The following PTK6 variants were observed in gnomAD, a reference collection of about 807,000 sequenced individuals.
The protein encoded by PTK6 is protein tyrosine kinase 6.
A neutral mutation model predicts 47.5 loss-of-function variants in PTK6; 47 were observed. The observed-to-expected ratio is 0.99, with a 90% CI of 0.78 to 1.26. The LOEUF (loss-of-function observed/expected upper bound fraction) is 1.26. Ranked by LOEUF, PTK6 falls within the 50% of genes most tolerant of loss-of-function variation. PTK6 has a pLI of 0.00. For synonymous variants in PTK6, 287 were observed against 276.5 expected (o/e 1.04, Z -0.38); for missense variants, 618 against 625.3 (o/e 0.99, Z 0.12).
chr20:63,533,841 A>G lies in PTK6; in HGVS notation c.517-137T>C. 3 of 1,273,986 alleles carry G rather than the reference A, an allele frequency of 2.4e-6. No homozygotes were observed. The highest frequency in any genetic ancestry group is 3.2e-6 in the Non-Finnish European group (3 of 943,218). The allele number at this position is 1,273,986 out of a possible 1,614,324, so 78.9% of individuals were successfully genotyped here. On this transcript the variant is annotated intron_variant, in intron 3 of 7. Coordinates refer to ENST00000542869, the MANE Select transcript of PTK6 (RefSeq NM_005975.4). This position sits in a 1 kb window ranked among gnomAD's most constrained non-coding sequence, Gnocchi z 4.0. Reference sequence around the variant, plus strand: ...TGGGTTGGGGGTTTCTGAGTGTCTGACACAAGGGTGGACTCTCCTGGGGGC... The same window carrying G: ...TGGGTTGGGGGTTTCTGAGTGTCTGGCACAAGGGTGGACTCTCCTGGGGGC...
chr20:63,534,350 A>G, intron 2 of PTK6, 35 bp from the exon 3 acceptor site: 1 of 1,552,940 alleles, frequency 6.4e-7, no homozygotes, highest in Non-Finnish European at 8.7e-7. Context: ...TGGCCACCCC[A>G]ACTCCGACGC....
intron 1 of PTK6, among the ~76,000 whole-genome samples, chr20:63,536,337 T>C (rs1464288330): frequency 6.9e-6 from 1 of 145,710 alleles, no homozygotes; most frequent in Non-Finnish European, 1.5e-5. Context: ...GCTAACGAGG[T>C]CGTGGGTCTG....
Position 63,529,490 on chromosome 20 carries a change from C to A in PTK6, c.*46G>T. 1 of 1,496,946 alleles carries A rather than the reference C, an allele frequency of 6.7e-7. No individual in the cohort carries two copies. Among genetic ancestry groups the A allele is most frequent in the African/African-American group, 1.4e-5 (1 of 71,124 alleles). 92.7% of individuals were successfully genotyped at this position (1,496,946 alleles called of 1,614,324 possible). The stretch of plus-strand genomic sequence containing the variant: ...TGATCCCAGGTCCAGGCCCTCTGCC[C>A]AGGCCCCTCCTCAGCAGGGCCCGGC... On this transcript the variant is annotated 3_prime_UTR_variant, in exon 8 of 8. Coordinates refer to ENST00000542869, the MANE Select transcript of PTK6 (RefSeq NM_005975.4). The surrounding 1 kb of genome is among the most constrained non-coding windows in gnomAD (Gnocchi z 5.6).
chr20:63,536,693 T>G (rs2049494875), intron 1 of PTK6, among the ~76,000 whole-genome samples: 1 of 152,114 alleles, frequency 6.6e-6, no homozygotes, highest in Admixed American at 6.5e-5. Context: ...GCTTCAAGCT[T>G]CGTTTCCCCC....
chr20:63,535,788 G>A (rs1268457018), intron 1 of PTK6, among the ~76,000 whole-genome samples: 6 of 8,888 alleles, frequency 6.8e-4, no homozygotes, highest in African/African-American at 7.6e-4. Context: ...CTGGCCTCCC[G>A]CCCCCTCCTC....
chr20:63,532,849 G>A (rs926874957), intron 4 of PTK6, among the ~76,000 whole-genome samples, 162 bp from the exon 5 acceptor site: 10 of 152,226 alleles, frequency 6.6e-5, no homozygotes, highest in East Asian at 1.9e-4. Context: ...CCGAGGCCAC[G>A]AAATGGCAGA....
intron 5 of PTK6, among the ~76,000 whole-genome samples, 171 bp downstream of exon 5, chr20:63,532,355 C>G (rs6011875): frequency 0.13 from 18,976 of 143,182 alleles, 3,795 homozygotes; most frequent in African/African-American, 0.45. Flanking sequence ...GCATGTGTGT[C>G]TGTGCGTGTG....
rs1307523639 is a variant in PTK6, at chr20:63,529,240, G to A, written c.*296C>T. On this transcript the variant is annotated 3_prime_UTR_variant, in exon 8 of 8. Coordinates refer to ENST00000542869, the MANE Select transcript of PTK6 (RefSeq NM_005975.4). This position sits in a 1 kb window ranked among gnomAD's most constrained non-coding sequence, Gnocchi z 5.6. ...GGCACTGCAGACAGACAGCCAGAGA[G>A]CGGGCTGTGGTCAGAGTCCCCTCTG... is the stretch of plus-strand genomic sequence containing the variant. The A allele has an allele frequency of 7.3e-6, 2 of 274,706 alleles. No homozygotes were observed. The highest frequency in any genetic ancestry group is 1.4e-5 in the Non-Finnish European group (2 of 146,296). 17.0% of individuals were successfully genotyped at this position (274,706 alleles called of 1,614,324 possible). A position where few individuals can be genotyped will look rare whatever the true frequency, so the allele number is the denominator to read the frequency against.
Position 63,532,551 on chromosome 20 carries a change from C to T in PTK6, c.807G>A (p.Lys269=). Residue 269 remains lysine (K), a synonymous_variant, in exon 5 of 8, where the codon AAG becomes AAA. Coordinates refer to ENST00000542869, the MANE Select transcript of PTK6 (RefSeq NM_005975.4). ...PVYIITELMA[K]GSLLELLRDS... Reference sequence around the variant, plus strand: ...CGCGGAGCAGCTCCAGCAGGCTGCCCTTGGCCATGAGCTCCGTGATGATGT... The same window carrying T: ...CGCGGAGCAGCTCCAGCAGGCTGCCTTTGGCCATGAGCTCCGTGATGATGT... The T allele has an allele frequency of 6.2e-7, 1 of 1,612,942 alleles. No homozygotes were observed. Among genetic ancestry groups the T allele is most frequent in the Non-Finnish European group, 8.5e-7 (1 of 1,179,208 alleles).
In PTK6 at chr20:63,534,987, G is replaced by T; in HGVS notation, c.303C>A (p.Ala101=). The T allele has an allele frequency of 6.2e-7, 1 of 1,608,274 alleles. No homozygotes were observed. The highest frequency in any genetic ancestry group is 8.5e-7 in the Non-Finnish European group (1 of 1,177,610). ...RLQAEGNATG[A]FLIRVSEKPS... ...GCTTCTCGCTGACCCTGATCAGGAA[G>T]GCGCCCGTGGCGTTGCCCTCGGCCT... The change falls in exon 2 of 8, where the codon GCC becomes GCA. Residue 101 remains alanine, a synonymous_variant. Transcript: ENST00000542869.
chr20:63,534,328 G>C lies in PTK6; in HGVS notation c.353-13C>G, dbSNP rs1280405974. On this transcript the variant is annotated splice_polypyrimidine_tract_variant and intron_variant, in intron 2 of 7. Coordinates refer to ENST00000542869, the MANE Select transcript of PTK6 (RefSeq NM_005975.4). ...TGCGTGTCCCGCACTGGGAGGGAGAGCGTGAGCTGTGTGGCCACCCCAACT... is the reference window on the plus strand; with the variant it reads ...TGCGTGTCCCGCACTGGGAGGGAGACCGTGAGCTGTGTGGCCACCCCAACT... The C allele has an allele frequency of 9.5e-6, 15 of 1,587,266 alleles. No individual in the cohort carries two copies. Among genetic ancestry groups the C allele is most frequent in the African/African-American group, 1.3e-5 (1 of 74,572 alleles).
In PTK6 at chr20:63,528,980, C is replaced by T. The variant is rs1280900458; in HGVS notation, c.*556G>A. The stretch of plus-strand genomic sequence containing the variant: ...GGACGGTGAAACTGAGCTGGCGCCT[C>T]GGGCAGTGATGCTTGGGCTGGCAGA... On this transcript the variant is annotated 3_prime_UTR_variant, in exon 8 of 8. Transcript: ENST00000542869. 1.3e-5 allele frequency: 2 copies of T among 152,186 alleles called. No individual in the cohort carries two copies. The highest frequency in any genetic ancestry group is 2.9e-5 in the Non-Finnish European group (2 of 68,094). 9.4% of individuals were successfully genotyped at this position (152,186 alleles called of 1,614,324 possible).
In PTK6 at chr20:63,532,702, G is replaced by A. The variant is rs1327699382; in HGVS notation, c.671-15C>T. ...CAGGAGGTTGTCTGCGGGGACGGGT[G>A]GCCTCGGTGGATGCAGCCCCTGACC... is the stretch of plus-strand genomic sequence containing the variant. On this transcript the variant is annotated splice_polypyrimidine_tract_variant and intron_variant, in intron 4 of 7. Transcript: ENST00000542869. The A allele has an allele frequency of 6.2e-7, 1 of 1,611,478 alleles. No individual in the cohort carries two copies. The highest frequency in any genetic ancestry group is 8.5e-7 in the Non-Finnish European group (1 of 1,178,968).
chr20:63,534,832 A>G (rs2082651348), intron 2 of PTK6, 106 bp downstream of exon 2: 6 of 1,421,208 alleles, frequency 4.2e-6, no homozygotes, highest in South Asian at 2.8e-5. Flanking sequence ...AGAGGAGCCC[A>G]TGTCCCCCGT....
rs190116436 is a variant in PTK6 at position 63,533,074 on chromosome 20, T to C, written c.671-387A>G. 1.0e-3 allele frequency among the ~76,000 whole-genome samples: 148 copies of C among 146,194 alleles called. 1 individual carries two copies. The highest frequency in any genetic ancestry group is 8.0e-3 in the Admixed American group (121 of 15,068). ...TTAAATTTTCTTTCTTTCTTTCTTT[T>C]TTTTTTTTCCCAAGACGGGGTCTTG... On this transcript the variant is annotated intron_variant, in intron 4 of 7. Transcript: ENST00000542869. The surrounding 1 kb of genome is among the most constrained non-coding windows in gnomAD (Gnocchi z 4.0).
chr20:63,531,370 G>A (rs1355223919), intron 5 of PTK6, among the ~76,000 whole-genome samples: 3 of 140,986 alleles, frequency 2.1e-5, no homozygotes, highest in Non-Finnish European at 3.0e-5. Flanking sequence ...GCAGTGAGCC[G>A]AGATCACGCC....
In PTK6 at chr20:63,533,782, G is replaced by T; in HGVS notation, c.517-78C>A. 1 of 1,523,734 alleles carries T rather than the reference G, an allele frequency of 6.6e-7. No individual in the cohort carries two copies. Among genetic ancestry groups the T allele is most frequent in the Non-Finnish European group, 8.8e-7 (1 of 1,135,956 alleles). 94.4% of individuals were successfully genotyped at this position (1,523,734 alleles called of 1,614,324 possible). On this transcript the variant is annotated intron_variant, in intron 3 of 7. Coordinates refer to ENST00000542869, the MANE Select transcript of PTK6 (RefSeq NM_005975.4). This position sits in a 1 kb window ranked among gnomAD's most constrained non-coding sequence, Gnocchi z 4.0. ...AGTCTGAAGCCAGCACAGGGAGCCTGGATTTAGCCTCAGATTTAGGGCCAC... is the reference window on the plus strand; with the variant it reads ...AGTCTGAAGCCAGCACAGGGAGCCTTGATTTAGCCTCAGATTTAGGGCCAC...
rs2082610650 is a variant in PTK6, at chr20:63,530,623, G to T, written c.1014+123C>A. ...GCTTCCCACCTCCCTGCCCAGCCTGGGCTCCCGAGGGCAGGGGCCGCATCC... is the reference window on the plus strand; with the variant it reads ...GCTTCCCACCTCCCTGCCCAGCCTGTGCTCCCGAGGGCAGGGGCCGCATCC... On this transcript the variant is annotated intron_variant, in intron 6 of 7. Coordinates refer to ENST00000542869, the MANE Select transcript of PTK6 (RefSeq NM_005975.4). This position sits in a 1 kb window ranked among gnomAD's most constrained non-coding sequence, Gnocchi z 4.1. 2.4e-6 allele frequency: 3 copies of T among 1,250,986 alleles called. No homozygotes were observed. Among genetic ancestry groups the T allele is most frequent in the Middle Eastern group, 5.1e-4 (2 of 3,938 alleles). 77.5% of individuals were successfully genotyped at this position (1,250,986 alleles called of 1,614,324 possible). A position where few individuals can be genotyped will look rare whatever the true frequency, so the allele number is the denominator to read the frequency against.
rs1371746588 is a variant in PTK6, at chr20:63,533,071, T to TTTC, written c.671-385_671-384insGAA. On this transcript the variant is annotated intron_variant, in intron 4 of 7. Transcript: ENST00000542869. The surrounding 1 kb of genome is among the most constrained non-coding windows in gnomAD (Gnocchi z 4.0). ...ATTTTAAATTTTCTTTCTTTCTTTC[T>TTTC]TTTTTTTTTTTCCCAAGACGGGGTC... is the stretch of plus-strand genomic sequence containing the variant. Among the ~76,000 whole-genome samples the TTTC allele has an allele frequency of 1.4e-5, 2 of 142,832 alleles. No homozygotes were observed. The highest frequency in any genetic ancestry group is 3.9e-4 in the East Asian group (2 of 5,088). The allele number at this position is 142,832 out of a possible 152,430, so 93.7% of individuals were successfully genotyped here.
Sources: allele counts gnomAD v4.1 joint callset (sites outside exome capture counted in the v4.1 genomes callset), GRCh38; gene constraint gnomAD v4.1.1; non-coding constraint Gnocchi (gnomAD v3.1); transcripts MANE v1.5; gene names NCBI Gene and HGNC (gene_info 2026-07-23, HGNC 2026-07-21).